The following TDRD7 variants were observed in gnomAD, a reference collection of about 807,000 sequenced individuals.
The protein encoded by TDRD7 is tudor domain-containing protein 7.
A neutral mutation model predicts 109.8 loss-of-function variants in TDRD7; 47 were observed. The observed-to-expected ratio is 0.43, with a 90% CI of 0.34 to 0.55. TDRD7 has a LOEUF of 0.55. Ranked by LOEUF, TDRD7 falls within the 20% of genes least tolerant of loss-of-function variation. The pLI is 0.03. For synonymous variants in TDRD7, 424 were observed against 457.3 expected, an observed-to-expected ratio of 0.93 and a Z score of 0.93; for missense variants, 1,164 against 1,319.2, an observed-to-expected ratio of 0.88 and a Z score of 1.82.
chr9:97,441,865 A>C lies in TDRD7; in HGVS notation c.845A>C (p.His282Pro). 12 of 1,613,368 alleles carry C rather than the reference A, an allele frequency of 7.4e-6. No individual in the cohort carries two copies. Among genetic ancestry groups the C allele is most frequent in the Non-Finnish European group, 9.3e-6 (11 of 1,179,474 alleles). ...GILQQFEHWP[H>P]ICTVEKPCSG... Reference sequence around the variant, plus strand: ...TTACAACAGTTTGAACACTGGCCTCATATTTGCACGGTATGTTTTTCCTTA... The same window carrying C: ...TTACAACAGTTTGAACACTGGCCTCCTATTTGCACGGTATGTTTTTCCTTA... Residue 282 changes from histidine to proline, a missense_variant, in exon 6 of 17, where the codon CAT (histidine) becomes CCT (proline). Coordinates refer to ENST00000355295, the MANE Select transcript of TDRD7 (RefSeq NM_014290.3).
In TDRD7 at chr9:97,473,620, T is replaced by C. The variant is rs1828960094; in HGVS notation, c.2073T>C (p.His691=). Residue 691 remains histidine, a synonymous_variant, in exon 11 of 17, where the codon CAT becomes CAC. Coordinates refer to ENST00000355295, the MANE Select transcript of TDRD7 (RefSeq NM_014290.3). ...DLLRKIEDYF[H]CKHMTSECFV... ...TACGTAAGATAGAGGACTACTTCCATTGCAAGGTATAGCAGAACCTCTTCT... is the reference window on the plus strand; with the variant it reads ...TACGTAAGATAGAGGACTACTTCCACTGCAAGGTATAGCAGAACCTCTTCT... The C allele has an allele frequency of 6.2e-7, 1 of 1,613,544 alleles. No individual in the cohort carries two copies. The highest frequency in any genetic ancestry group is 8.5e-7 in the Non-Finnish European group (1 of 1,179,676).
chr9:97,450,805 G>T (rs1470833005), intron 6 of TDRD7, among the ~76,000 whole-genome samples: 1 of 152,124 alleles, frequency 6.6e-6, no homozygotes, highest in Non-Finnish European at 1.5e-5. Flanking sequence ...TGAAAATTTA[G>T]AGAGTTTGAG....
intron 6 of TDRD7, among the ~76,000 whole-genome samples, chr9:97,458,759 T>C (rs1341838127): frequency 3.3e-5 from 5 of 152,246 alleles, no homozygotes; most frequent in Admixed American, 3.3e-4. Flanking sequence ...CTATGTGATG[T>C]AGAATATGTA....
intron 11 of TDRD7, among the ~76,000 whole-genome samples, chr9:97,473,930 A>G (rs1225358461): frequency 6.6e-6 from 1 of 152,204 alleles, no homozygotes; most frequent in African/African-American, 2.4e-5. Flanking sequence ...TATTTATAAC[A>G]TGCAGTTGAT....
At chr9:97,478,361 G>A (rs930403305) in intron 12 of TDRD7, 78 bp from the exon 13 acceptor site, 1 of 1,557,850 alleles carries the variant, frequency 6.4e-7, no homozygotes, top group Non-Finnish European at 8.8e-7. Flanking sequence ...ATTCAGGATT[G>A]TACAAAATGT....
Position 97,412,108 on chromosome 9 carries a change from A to T in TDRD7, c.-137A>T, listed in dbSNP as rs1827722632. ...GGGGCGGGGGCTTGAGGTGATTCCC[A>T]AGCCGCGGGGCGGCTCCGGTGGTGC... On this transcript the variant is annotated 5_prime_UTR_variant, in exon 1 of 17. Transcript: ENST00000355295. The surrounding 1 kb of genome is among the most constrained non-coding windows in gnomAD (Gnocchi z 4.3). 1.3e-5 allele frequency: 2 copies of T among 152,618 alleles called. No individual in the cohort carries two copies. Among genetic ancestry groups the T allele is most frequent in the African/African-American group, 4.8e-5 (2 of 41,324 alleles). 9.5% of individuals were successfully genotyped at this position (152,618 alleles called of 1,614,324 possible).
intron 7 of TDRD7, among the ~76,000 whole-genome samples, chr9:97,462,697 G>A (rs1828745601): frequency 6.6e-6 from 1 of 152,162 alleles, no homozygotes; most frequent in Admixed American, 6.5e-5. Flanking sequence ...CCCTTGCTCA[G>A]GTAATTTGAG....
intron 4 of TDRD7, among the ~76,000 whole-genome samples, chr9:97,437,418 C>T (rs1377906663): frequency 6.6e-6 from 1 of 152,240 alleles, no homozygotes; most frequent in African/African-American, 2.4e-5. Flanking sequence ...TTCTTCCCAA[C>T]ATGGCCATTT....
Position 97,482,934 on chromosome 9 carries a change from A to T in TDRD7, c.2498A>T (p.Asn833Ile). ...KNFPDPHRSI[N>I]RQITNADLWK... ...TTCCCTGACCCTCATCGCAGTATTA[A>T]TCGCCAGATTACAAATGCAGACTTG... The change falls in exon 15 of 17, where the codon AAT becomes ATT. Residue 833 changes from asparagine to isoleucine, a missense_variant. By Grantham distance (149) the Asn-to-Ile change is moderately radical. Coordinates refer to ENST00000355295, the MANE Select transcript of TDRD7 (RefSeq NM_014290.3). 6.2e-7 allele frequency: 1 copy of T among 1,614,224 alleles called. No homozygotes were observed. Among genetic ancestry groups the T allele is most frequent in the Non-Finnish European group, 8.5e-7 (1 of 1,180,040 alleles).
Position 97,475,440 on chromosome 9 carries a change from C to T in TDRD7, c.2137C>T (p.His713Tyr). 1 of 1,613,578 alleles carries T rather than the reference C, an allele frequency of 6.2e-7. No homozygotes were observed. Among genetic ancestry groups the T allele is most frequent in the Non-Finnish European group, 8.5e-7 (1 of 1,179,658 alleles). ...CTTCTGTGGGAAAATCTGCCTCTTC[C>T]ATTGCAAAGGAAAATGGTTACGAGT... ...LPFCGKICLF[H>Y]CKGKWLRVEI... is the part of the protein sequence containing the mutation. Residue 713 changes from histidine to tyrosine, a missense_variant, in exon 12 of 17, where the codon CAT (histidine) becomes TAT (tyrosine). Physicochemically the swap from His to Tyr is moderately conservative, Grantham distance 83. Transcript: ENST00000355295.
chr9:97,466,181 C>T (rs1185705724), intron 8 of TDRD7, among the ~76,000 whole-genome samples: 1 of 152,152 alleles, frequency 6.6e-6, no homozygotes, highest in Non-Finnish European at 1.5e-5. Flanking sequence ...AGGCTTAAGT[C>T]CATCAGTTAC....
At chr9:97,429,239 G>T (rs1230439037) in intron 2 of TDRD7, among the ~76,000 whole-genome samples, 4 of 152,146 alleles carry the variant, frequency 2.6e-5, no homozygotes, top group Admixed American at 1.3e-4. Context: ...CTCTCTGGAA[G>T]AACACAGTTT....
In TDRD7 at chr9:97,412,717, C is replaced by T. The variant is rs1587852725; in HGVS notation, c.-7+479C>T. ...CACCACGAACTTCTCTTGAAGGTCT[C>T]TATAATCTGGAGACGAGCCCCAGGC... On this transcript the variant is annotated intron_variant, in intron 1 of 16. Coordinates refer to ENST00000355295, the MANE Select transcript of TDRD7 (RefSeq NM_014290.3). This position sits in a 1 kb window ranked among gnomAD's most constrained non-coding sequence, Gnocchi z 4.3. Among the ~76,000 whole-genome samples the T allele has an allele frequency of 6.6e-6, 1 of 152,310 alleles. No homozygotes were observed. The highest frequency in any genetic ancestry group is 1.9e-4 in the East Asian group (1 of 5,172).
Position 97,460,395 on chromosome 9 carries a change from C to A in TDRD7, c.1073C>A (p.Ala358Asp). 6.2e-7 allele frequency: 1 copy of A among 1,614,154 alleles called. No individual in the cohort carries two copies. Among genetic ancestry groups the A allele is most frequent in the South Asian group, 1.1e-5 (1 of 91,078 alleles). The change falls in exon 7 of 17, where the codon GCC (alanine) becomes GAC (aspartate). Residue 358 changes from alanine (A) to aspartate (D), a missense_variant. Physicochemically the swap from Ala to Asp is moderately radical, Grantham distance 126. Transcript: ENST00000355295. ...LLVKYTSGLW[A>D]SALPKAFEEM... The stretch of plus-strand genomic sequence containing the variant: ...GTGAAATACACAAGTGGCCTTTGGG[C>A]CAGTGCACTTCCGAAAGCATTTGAG...
intron 5 of TDRD7, among the ~76,000 whole-genome samples, chr9:97,440,999 T>C (rs1371127932): frequency 6.6e-6 from 1 of 152,178 alleles, no homozygotes; most frequent in Non-Finnish European, 1.5e-5. Context: ...TACACACTTA[T>C]GAAAGATAAA....
intron 7 of TDRD7, among the ~76,000 whole-genome samples, chr9:97,462,725 T>A (rs1198156284): frequency 6.6e-6 from 1 of 152,246 alleles, no homozygotes; most frequent in Non-Finnish European, 1.5e-5. Context: ...TATGACCTCA[T>A]TCTCGTCATT....
intron 1 of TDRD7, among the ~76,000 whole-genome samples, chr9:97,414,645 G>C (rs912957894): frequency 1.3e-5 from 2 of 152,096 alleles, no homozygotes; most frequent in African/African-American, 2.4e-5. Context: ...TACATTCGTG[G>C]TATGCAGTTA....
chr9:97,430,752 G>C (rs917685651), intron 2 of TDRD7, among the ~76,000 whole-genome samples, 181 bp from the exon 3 acceptor site: 2 of 152,158 alleles, frequency 1.3e-5, no homozygotes, highest in Non-Finnish European at 2.9e-5. Flanking sequence ...GACTATGCCA[G>C]ATTCCTCTTG....
chr9:97,472,230 A>G, intron 9 of TDRD7, 63 bp from the exon 10 acceptor site: 1 of 1,392,476 alleles, frequency 7.2e-7, no homozygotes, highest in Non-Finnish European at 1.0e-6. Flanking sequence ...GACACAATCC[A>G]TCTATTCATC....
Sources: allele counts gnomAD v4.1 joint callset (sites outside exome capture counted in the v4.1 genomes callset), GRCh38; gene constraint gnomAD v4.1.1; non-coding constraint Gnocchi (gnomAD v3.1); transcripts MANE v1.5; gene names NCBI Gene and HGNC (gene_info 2026-07-23, HGNC 2026-07-21).